BCKDHB: variants seen among roughly 807,000 people sequenced by gnomAD.
BCKDHB encodes the protein branched chain keto acid dehydrogenase E1 subunit beta.
BCKDHB carries 41 observed loss-of-function variants against 48.5 expected under a neutral mutation model. That is an observed-to-expected ratio of 0.85 (90% CI 0.66 to 1.10). The LOEUF is 1.10. Among genes scored for constraint, BCKDHB ranks in the 50% least tolerant of loss-of-function variants. BCKDHB has a pLI of 0.00. For missense variants in BCKDHB, 496 were observed against 494.2 expected (o/e 1.00, Z -0.03); for synonymous variants, 201 against 174.8 (o/e 1.15, Z -1.18).
the BCKDHB span, among the ~76,000 whole-genome samples, chr6:80,418,780 G>A: frequency 2.0e-5 from 3 of 152,142 alleles, no homozygotes; most frequent in East Asian, 1.9e-4. Flanking sequence ...TGGGTCAGCC[G>A]CAGTGGTAGG....
intron 9 of BCKDHB, among the ~76,000 whole-genome samples, chr6:80,290,931 C>T (rs1423492326): frequency 6.6e-6 from 1 of 152,182 alleles, no homozygotes; most frequent in African/African-American, 2.4e-5. Context: ...TGTAAACTGT[C>T]ATGGTGCTGG....
chr6:80,216,162 A>T (rs771114531), intron 8 of BCKDHB, among the ~76,000 whole-genome samples: 1 of 152,166 alleles, frequency 6.6e-6, no homozygotes, highest in Non-Finnish European at 1.5e-5. Context: ...CATCAGTGTC[A>T]TTATTTTATA....
At chr6:80,367,950 T>G in the BCKDHB span, among the ~76,000 whole-genome samples, 1 of 152,244 alleles carries the variant, frequency 6.6e-6, no homozygotes, top group Non-Finnish European at 1.5e-5. Context: ...TATAAGACTG[T>G]GGCAATAGCA....
chr6:80,106,782 G>A lies in BCKDHB; in HGVS notation c.89G>A (p.Gly30Glu). The A allele has an allele frequency of 2.5e-6, 4 of 1,595,360 alleles. No homozygotes were observed. The highest frequency in any genetic ancestry group is 3.4e-6 in the Non-Finnish European group (4 of 1,172,054). Residue 30 changes from glycine (G) to glutamate (E), a missense_variant, in exon 1 of 10, where the codon GGG becomes GAG. Transcript: ENST00000320393. ...EGHWRRLPGA[G>E]LARGFLHPAA... Reference sequence around the variant, plus strand: ...CACTGGCGTCGGCTTCCTGGCGCGGGGCTGGCGCGGGGCTTTTTGCACCCC... The same window carrying A: ...CACTGGCGTCGGCTTCCTGGCGCGGAGCTGGCGCGGGGCTTTTTGCACCCC...
intron 9 of BCKDHB, among the ~76,000 whole-genome samples, chr6:80,280,881 C>T (rs542453120): frequency 6.6e-6 from 1 of 152,032 alleles, no homozygotes; most frequent in Non-Finnish European, 1.5e-5. Flanking sequence ...TGCTGACTCA[C>T]AGGAGTGGGG....
the BCKDHB span, among the ~76,000 whole-genome samples, chr6:80,457,665 A>C: frequency 6.6e-6 from 1 of 152,114 alleles, no homozygotes; most frequent in South Asian, 2.1e-4. Flanking sequence ...AAAGCATAAA[A>C]CTGCTGAAGG....
At chr6:80,329,177 T>G (rs1251882455) in intron 9 of BCKDHB, among the ~76,000 whole-genome samples, 1 of 152,304 alleles carries the variant, frequency 6.6e-6, no homozygotes, top group African/African-American at 2.4e-5. Context: ...ACTAACTTCT[T>G]TCAATTCTAA....
chr6:80,362,560 C>G, the BCKDHB span, among the ~76,000 whole-genome samples: 3 of 152,096 alleles, frequency 2.0e-5, no homozygotes, highest in Non-Finnish European at 4.4e-5. Context: ...TAAGGGCAAC[C>G]AAGAATGGTC....
chr6:80,298,125 T>C (rs1767353527), intron 9 of BCKDHB, among the ~76,000 whole-genome samples: 1 of 152,160 alleles, frequency 6.6e-6, no homozygotes, highest in Non-Finnish European at 1.5e-5. Context: ...CTTTCTTTTT[T>C]TTTCCTAGAC....
the BCKDHB span, among the ~76,000 whole-genome samples, chr6:80,440,303 A>C: frequency 6.6e-6 from 1 of 152,218 alleles, no homozygotes; most frequent in Non-Finnish European, 1.5e-5. Flanking sequence ...GTACTCAACA[A>C]AAAAACAGAG....
intron 8 of BCKDHB, among the ~76,000 whole-genome samples, chr6:80,234,739 A>G (rs1302038260): frequency 6.6e-6 from 1 of 152,158 alleles, no homozygotes; most frequent in African/African-American, 2.4e-5. Flanking sequence ...CTCTGCTCCC[A>G]TGTGTGTTGC....
the BCKDHB span, among the ~76,000 whole-genome samples, chr6:80,385,323 ACC>A: frequency 6.6e-6 from 1 of 152,186 alleles, no homozygotes; most frequent in African/African-American, 2.4e-5. Context: ...TGAGTGGCTG[ACC>A]TGCAACTAAA....
downstream of BCKDHB, among the ~76,000 whole-genome samples, chr6:80,349,502 T>C (rs1383659793): frequency 6.6e-6 from 1 of 152,166 alleles, no homozygotes; most frequent in East Asian, 1.9e-4. Flanking sequence ...GTGAATTCCC[T>C]AATTAATAAG....
At chr6:80,214,627 A>G (rs1775085804) in intron 8 of BCKDHB, among the ~76,000 whole-genome samples, 2 of 152,216 alleles carry the variant, frequency 1.3e-5, no homozygotes, top group Non-Finnish European at 2.9e-5. Context: ...GGCCTCTCTT[A>G]GGCCAAGTTT....
At chr6:80,272,053 G>A (rs979500743) in intron 8 of BCKDHB, among the ~76,000 whole-genome samples, 9 of 152,002 alleles carry the variant, frequency 5.9e-5, no homozygotes, top group African/African-American at 1.9e-4. Context: ...TAAGGTTAGC[G>A]TTTCACTGGG....
intron 8 of BCKDHB, among the ~76,000 whole-genome samples, chr6:80,256,523 A>C (rs1777057338): frequency 1.3e-5 from 2 of 152,230 alleles, no homozygotes; most frequent in African/African-American, 4.8e-5. Flanking sequence ...CTGTTGACCA[A>C]AATTTAGTTA....
chr6:80,252,269 T>A (rs1208171162), intron 8 of BCKDHB, among the ~76,000 whole-genome samples: 1 of 152,190 alleles, frequency 6.6e-6, no homozygotes, highest in African/African-American at 2.4e-5. Flanking sequence ...ACACTGGACT[T>A]ATTTTTTTCT....
At chr6:80,340,322 T>C (rs1769821798) in intron 9 of BCKDHB, among the ~76,000 whole-genome samples, 1 of 152,180 alleles carries the variant, frequency 6.6e-6, no homozygotes, top group Admixed American at 6.6e-5. Flanking sequence ...GGTGCAACTT[T>C]AGACCCCAAG....
intron 8 of BCKDHB, among the ~76,000 whole-genome samples, chr6:80,211,892 T>C (rs1242942024): frequency 6.6e-6 from 1 of 152,120 alleles, no homozygotes; most frequent in Non-Finnish European, 1.5e-5. Context: ...AAGTTTTTTA[T>C]TTATTAAGGG....
Sources: gnomAD v4.1 joint callset for allele counts (sites outside exome capture counted in the v4.1 genomes callset) on GRCh38, gnomAD v4.1.1 for gene constraint, MANE v1.5 for transcripts, NCBI Gene and HGNC (gene_info 2026-07-23, HGNC 2026-07-21) for gene names.